The following DGKB variants were observed in gnomAD, a reference collection of about 807,000 sequenced individuals.
DGKB encodes the protein diacylglycerol kinase beta.
A neutral mutation model predicts 114.3 loss-of-function variants in DGKB; 67 were observed. The ratio of observed to expected loss-of-function variants is 0.59; its 90% confidence interval spans 0.48 to 0.72. The LOEUF (loss-of-function observed/expected upper bound fraction) is 0.72. Among genes scored for constraint, DGKB ranks in the 30% least tolerant of loss-of-function variants. The probability of loss-of-function intolerance (pLI) is 0.00; values close to 1 mark genes in which losing one functional copy is unlikely to be tolerated. For missense variants in DGKB, 907 were observed against 975.2 expected (o/e 0.93, Z 0.93); for synonymous variants, 398 against 323.1 (o/e 1.23, Z -2.49).
At chr7:14,216,861 A>G (rs1789067094) in intron 23 of DGKB, among the ~76,000 whole-genome samples, 1 of 152,186 alleles carries the variant, frequency 6.6e-6, no homozygotes, top group Non-Finnish European at 1.5e-5. Flanking sequence ...ACTTACACCA[A>G]TGTGTTGGTA....
At chr7:14,698,730 T>C (rs1824554986) in intron 7 of DGKB, among the ~76,000 whole-genome samples, 1 of 152,160 alleles carries the variant, frequency 6.6e-6, no homozygotes, top group South Asian at 2.1e-4. Context: ...TGAATTTCCA[T>C]ATTATTCTGC....
At chr7:14,578,215 T>C (rs1370967799) in intron 19 of DGKB, among the ~76,000 whole-genome samples, 1 of 152,182 alleles carries the variant, frequency 6.6e-6, no homozygotes, top group Non-Finnish European at 1.5e-5. Context: ...CGATTGTAAG[T>C]TTCCTGAGGC....
At position 14,621,413 on chromosome 7, in the gene DGKB, C is replaced by T. The variant is rs761305008; in HGVS notation, c.1249G>A (p.Ala417Thr). 5 of 1,610,940 alleles carry T rather than the reference C, an allele frequency of 3.1e-6. No homozygotes were observed. Among genetic ancestry groups the T allele is most frequent in the Admixed American group, 1.7e-5 (1 of 59,748 alleles). ...TGTCCATCTACAGTAACAGAGTTGG[C>T]TCTTTGCATTTTATTCTTGTCAATC... ...KVIDKNKMQR[A>T]NSVTVDGQGL... Residue 417 changes from alanine (A) to threonine (T), a missense_variant, in exon 15 of 26, where the codon GCC becomes ACC. Coordinates refer to ENST00000402815, the MANE Select transcript of DGKB (RefSeq NM_001350709.2).
chr7:14,287,033 G>A (rs900335940), intron 23 of DGKB, among the ~76,000 whole-genome samples: 1 of 151,900 alleles, frequency 6.6e-6, no homozygotes, highest in Non-Finnish European at 1.5e-5. Flanking sequence ...TGGGGGTGGG[G>A]GAAAAGCAGG....
At chr7:14,879,236 A>G (rs1452506995) in intron 1 of DGKB, among the ~76,000 whole-genome samples, 2 of 151,912 alleles carry the variant, frequency 1.3e-5, no homozygotes, top group African/African-American at 2.4e-5. Flanking sequence ...GACCTGAGGT[A>G]TAGAATATTC....
chr7:14,196,373 A>G (rs1285021695), intron 23 of DGKB, among the ~76,000 whole-genome samples: 1 of 152,152 alleles, frequency 6.6e-6, no homozygotes, highest in Non-Finnish European at 1.5e-5. Flanking sequence ...GGGCAGATTG[A>G]CCATCATATC....
intron 14 of DGKB, among the ~76,000 whole-genome samples, chr7:14,624,230 G>A (rs1474244701): frequency 1.3e-5 from 2 of 152,136 alleles, no homozygotes; most frequent in South Asian, 2.1e-4. Flanking sequence ...AATGCTGTTG[G>A]TGAGTGTGGA....
chr7:14,622,484 C>G (rs181470016), intron 14 of DGKB, among the ~76,000 whole-genome samples: 117 of 152,088 alleles, frequency 7.7e-4, no homozygotes, highest in South Asian at 1.2e-3. Context: ...CCTTAATTTC[C>G]ACATGCAGAT....
At chr7:14,363,717 C>T (rs577758480) in intron 21 of DGKB, among the ~76,000 whole-genome samples, 1 of 152,112 alleles carries the variant, frequency 6.6e-6, no homozygotes, top group Non-Finnish European at 1.5e-5. Context: ...TGTGTATGTG[C>T]ATTTTATCTT....
intron 21 of DGKB, among the ~76,000 whole-genome samples, chr7:14,410,110 C>T (rs1824623319): frequency 6.6e-6 from 1 of 151,958 alleles, no homozygotes; most frequent in Non-Finnish European, 1.5e-5. Flanking sequence ...AGCCAAAACA[C>T]TCTGATACCA....
At chr7:14,790,043 G>A (rs950463831) in intron 2 of DGKB, among the ~76,000 whole-genome samples, 3 of 152,150 alleles carry the variant, frequency 2.0e-5, no homozygotes, top group Admixed American at 1.3e-4. Flanking sequence ...AATGGGTAAT[G>A]ATGTTTAATA....
intron 9 of DGKB, among the ~76,000 whole-genome samples, chr7:14,687,998 G>A (rs1217923763): frequency 6.6e-6 from 1 of 152,158 alleles, no homozygotes; most frequent in African/African-American, 2.4e-5. Flanking sequence ...TGGATACATT[G>A]CCAAAATATG....
intron 2 of DGKB, among the ~76,000 whole-genome samples, chr7:14,770,239 C>T (rs529180925): frequency 2.0e-5 from 3 of 151,982 alleles, no homozygotes; most frequent in Admixed American, 6.6e-5. Context: ...AGGCAAGGAG[C>T]GCCTTCAGAC....
At chr7:14,895,843 G>A (rs1210660503) in intron 1 of DGKB, among the ~76,000 whole-genome samples, 1 of 151,658 alleles carries the variant, frequency 6.6e-6, no homozygotes, top group Non-Finnish European at 1.5e-5. Context: ...CAAGACAAGT[G>A]AGAATTCTCC....
intron 1 of DGKB, among the ~76,000 whole-genome samples, chr7:14,946,323 G>C (rs1029265611): frequency 6.6e-6 from 1 of 151,482 alleles, no homozygotes; most frequent in African/African-American, 2.4e-5. Flanking sequence ...ATAGACCAAG[G>C]CTTGAAGAGA....
At chr7:14,720,648 C>T (rs960133831) in intron 5 of DGKB, among the ~76,000 whole-genome samples, 1 of 151,968 alleles carries the variant, frequency 6.6e-6, no homozygotes, top group African/African-American at 2.4e-5. Flanking sequence ...CGGCCCCTTT[C>T]TTTTTAAAAT....
chr7:14,219,618 G>T (rs1284480384), intron 23 of DGKB, among the ~76,000 whole-genome samples: 1 of 151,638 alleles, frequency 6.6e-6, no homozygotes, highest in Non-Finnish European at 1.5e-5. Context: ...CATCTGCCAT[G>T]CTGTAATTGG....
intron 21 of DGKB, among the ~76,000 whole-genome samples, chr7:14,411,985 T>G (rs1488265148): frequency 6.6e-6 from 1 of 152,144 alleles, no homozygotes; most frequent in Admixed American, 6.6e-5. Context: ...TACCAGAAAA[T>G]CAAGTTGTAT....
chr7:14,777,003 A>G (rs1034979392), intron 2 of DGKB, among the ~76,000 whole-genome samples: 21 of 152,218 alleles, frequency 1.4e-4, no homozygotes, highest in Admixed American at 5.2e-4. Flanking sequence ...CACCTCTTGC[A>G]TCAGTATGAC....
Sources: allele counts gnomAD v4.1 joint callset (sites outside exome capture counted in the v4.1 genomes callset), GRCh38; gene constraint gnomAD v4.1.1; transcripts MANE v1.5; gene names NCBI Gene and HGNC (gene_info 2026-07-23, HGNC 2026-07-21).